PIK3C2G: variants seen among roughly 807,000 people sequenced by gnomAD.
PIK3C2G encodes phosphatidylinositol 3-kinase C2 domain-containing subunit gamma.
Under a neutral mutation model 181.1 loss-of-function variants are expected in PIK3C2G, and 168 were observed. That is an observed-to-expected ratio of 0.93 (90% CI 0.82 to 1.05). The LOEUF (loss-of-function observed/expected upper bound fraction) is 1.05, where lower values mean the gene tolerates loss of function less well. Among genes scored for constraint, PIK3C2G ranks in the 50% least tolerant of loss-of-function variants. The probability of loss-of-function intolerance (pLI) is 0.00; values close to 1 mark genes in which losing one functional copy is unlikely to be tolerated. For missense variants in PIK3C2G, 1,869 were observed against 1,732.8 expected, an observed-to-expected ratio of 1.08 and a Z score of -1.40; for synonymous variants, 573 against 592.2, an observed-to-expected ratio of 0.97 and a Z score of 0.47.
At chr12:18,696,238 C>G in the PIK3C2G span, 2 of 1,588,122 alleles carry the variant, frequency 1.3e-6, no homozygotes, top group South Asian at 2.2e-5. Flanking sequence ...TGGTAATGAA[C>G]TTCCTGGTGT....
rs1948877066 is a variant in PIK3C2G, at chr12:18,274,242, T to A, written c.-78-7762T>A. On this transcript the variant is annotated intron_variant, in intron 1 of 32. Transcript: ENST00000538779. The stretch of plus-strand genomic sequence containing the variant: ...AGTTCAACCATTGTGGAAGTCAGTG[T>A]GGCAATTCCTCAGAGATCTAGAACT... 2.0e-5 allele frequency among the ~76,000 whole-genome samples: 3 copies of A among 152,198 alleles called. No individual in the cohort carries two copies. The South Asian group carries it at 6.2e-4, about 32-fold the overall frequency.
intron 16 of PIK3C2G, among the ~76,000 whole-genome samples, chr12:18,402,365 C>T (rs372426462): frequency 6.6e-6 from 1 of 152,020 alleles, no homozygotes; most frequent in Non-Finnish European, 1.5e-5. Flanking sequence ...TAACCCAGAG[C>T]GAGGGCAAGT....
At chr12:18,303,662 G>A (rs909215800) in intron 5 of PIK3C2G, among the ~76,000 whole-genome samples, 4 of 150,902 alleles carry the variant, frequency 2.7e-5, no homozygotes, top group Non-Finnish European at 5.9e-5. Context: ...CTTACTCTAA[G>A]TCTTTCTGTC....
At chr12:18,321,107 T>G (rs1951090425) in intron 7 of PIK3C2G, 75 bp downstream of exon 7, 1 of 821,850 alleles carries the variant, frequency 1.2e-6, no homozygotes, top group South Asian at 1.6e-5. Context: ...TATTTTTCAG[T>G]TGATTGTAAA....
the PIK3C2G span, among the ~76,000 whole-genome samples, chr12:18,718,743 G>A: frequency 1.3e-5 from 2 of 152,142 alleles, no homozygotes; most frequent in African/African-American, 4.8e-5. Flanking sequence ...TTCCCTGTAT[G>A]ATTCATTCAT....
the PIK3C2G span, among the ~76,000 whole-genome samples, chr12:18,716,341 T>C: frequency 6.6e-6 from 1 of 152,176 alleles, no homozygotes; most frequent in African/African-American, 2.4e-5. Context: ...TTTAATTTTA[T>C]CCATGGATCA....
the PIK3C2G span, chr12:18,701,399 A>G: frequency 1.3e-6 from 2 of 1,571,536 alleles, no homozygotes; most frequent in South Asian, 1.2e-5. Context: ...AGTTTTTATA[A>G]GAAGGAAAAT....
chr12:18,365,181 T>C (rs1238742267), intron 12 of PIK3C2G, among the ~76,000 whole-genome samples: 1 of 152,148 alleles, frequency 6.6e-6, no homozygotes, highest in Non-Finnish European at 1.5e-5. Flanking sequence ...AAGCTGATGG[T>C]TTTACTGTGA....
At chr12:18,369,227 T>C (rs1941857645) in intron 12 of PIK3C2G, among the ~76,000 whole-genome samples, 1 of 152,188 alleles carries the variant, frequency 6.6e-6, no homozygotes. Context: ...TCATCTGTGA[T>C]TTATCTCCCA....
chr12:18,534,258 T>C (rs1242642297), intron 24 of PIK3C2G, among the ~76,000 whole-genome samples: 3 of 152,180 alleles, frequency 2.0e-5, no homozygotes, highest in South Asian at 2.1e-4. Context: ...CCTCTTGCTA[T>C]TTCTTACATC....
intron 26 of PIK3C2G, among the ~76,000 whole-genome samples, chr12:18,555,105 A>AT (rs1944935488): frequency 6.6e-6 from 1 of 152,142 alleles, no homozygotes; most frequent in African/African-American, 2.4e-5. Context: ...TATGAGAAAT[A>AT]TTTTCCTGTG....
chr12:18,693,163 C>A, the PIK3C2G span: 5 of 1,546,806 alleles, frequency 3.2e-6, no homozygotes, highest in Non-Finnish European at 3.6e-6. Flanking sequence ...TCTGTGGGCT[C>A]AGAACACTAC....
chr12:18,537,065 C>G (rs1415713994), intron 24 of PIK3C2G, among the ~76,000 whole-genome samples: 1 of 151,950 alleles, frequency 6.6e-6, no homozygotes, highest in African/African-American at 2.4e-5. Context: ...AATTAGACCC[C>G]CCTGTCCCAA....
At chr12:18,378,184 G>A (rs1273702999) in intron 13 of PIK3C2G, among the ~76,000 whole-genome samples, 1 of 152,090 alleles carries the variant, frequency 6.6e-6, no homozygotes, top group African/African-American at 2.4e-5. Context: ...GACCAGCTTA[G>A]ACCACTCAGA....
intron 24 of PIK3C2G, among the ~76,000 whole-genome samples, chr12:18,528,280 C>T (rs1298490828): frequency 2.6e-5 from 4 of 152,100 alleles, no homozygotes; most frequent in African/African-American, 9.7e-5. Flanking sequence ...ACAGTATAAG[C>T]TTAAACATTC....
intron 29 of PIK3C2G, among the ~76,000 whole-genome samples, chr12:18,592,458 A>C (rs867612852): frequency 1.3e-5 from 2 of 151,930 alleles, no homozygotes; most frequent in Non-Finnish European, 2.9e-5. Flanking sequence ...GTTTTGAAAT[A>C]TATATGTATG....
chr12:18,683,143 A>G, the PIK3C2G span: 3 of 1,037,652 alleles, frequency 2.9e-6, no homozygotes, highest in South Asian at 2.8e-5. Context: ...ATGAGTAATT[A>G]TTTTTCTTTA....
At chr12:18,699,141 G>A in the PIK3C2G span, among the ~76,000 whole-genome samples, 1 of 152,260 alleles carries the variant, frequency 6.6e-6, no homozygotes, top group Admixed American at 6.5e-5. Context: ...AGAGACAGAT[G>A]GCACCTCTAC....
At chr12:18,512,035 A>T (rs1707538190) in intron 24 of PIK3C2G, among the ~76,000 whole-genome samples, 2 of 152,142 alleles carry the variant, frequency 1.3e-5, no homozygotes, top group South Asian at 4.1e-4. Flanking sequence ...TCATGTGAAT[A>T]TCCAGTTTAT....
Sources: gnomAD v4.1 joint callset for allele counts (sites outside exome capture counted in the v4.1 genomes callset) on GRCh38, gnomAD v4.1.1 for gene constraint, MANE v1.5 for transcripts, NCBI Gene and HGNC (gene_info 2026-07-23, HGNC 2026-07-21) for gene names.